The following LAX1 variants were observed in gnomAD, a reference collection of about 807,000 sequenced individuals.
The protein encoded by LAX1 is lymphocyte transmembrane adaptor 1.
Under a neutral mutation model 20.7 loss-of-function variants are expected in LAX1, and 17 were observed. The observed-to-expected ratio is 0.82, with a 90% CI of 0.56 to 1.23. The LOEUF is 1.23. Among genes scored for constraint, LAX1 ranks in the 50% most tolerant of loss-of-function variants. The pLI, the probability that LAX1 is intolerant of heterozygous loss-of-function variation, is 0.00. For missense variants in LAX1, 470 were observed against 487.0 expected, an observed-to-expected ratio of 0.97 and a Z score of 0.33; for synonymous variants, 165 against 181.0, an observed-to-expected ratio of 0.91 and a Z score of 0.71.
At chr1:203,769,990 C>G (rs977605889) in intron 1 of LAX1, among the ~76,000 whole-genome samples, 1 of 152,132 alleles carries the variant, frequency 6.6e-6, no homozygotes. Flanking sequence ...GGTCTTTGGA[C>G]GCAAACAGAC....
chr1:203,773,513 A>T lies in LAX1; in HGVS notation c.391-362A>T, dbSNP rs548256005. On this transcript the variant is annotated intron_variant, in intron 4 of 4. Transcript: ENST00000442561. ...ATATTATGATAATCTTCATTTTATAAATTAGGAAATGAAGACACCGAGAGA... is the reference window on the plus strand; with the variant it reads ...ATATTATGATAATCTTCATTTTATATATTAGGAAATGAAGACACCGAGAGA... Among the ~76,000 whole-genome samples, 13 of 152,152 alleles carry T rather than the reference A, an allele frequency of 8.5e-5. No homozygotes were observed. The East Asian group carries it at 2.5e-3, about 29-fold the overall frequency.
At position 203,771,447 on chromosome 1, in the gene LAX1, G is replaced by A; in HGVS notation, c.280G>A (p.Asp94Asn). 6.2e-7 allele frequency: 1 copy of A among 1,612,914 alleles called. No homozygotes were observed. Among genetic ancestry groups the A allele is most frequent in the South Asian group, 1.1e-5 (1 of 91,038 alleles). ...CAGACAAAGAGCCAAAAATATTTATGACATCTTGCCTTGGCGACAGGAAGA... is the reference window on the plus strand; with the variant it reads ...CAGACAAAGAGCCAAAAATATTTATAACATCTTGCCTTGGCGACAGGAAGA... ...QTRQRAKNIY[D>N]ILPWRQEDLG... Residue 94 changes from aspartate (D) to asparagine (N), a missense_variant, in exon 3 of 5, where the codon GAC becomes AAC. Physicochemically the swap from Asp to Asn is conservative, Grantham distance 23 (BLOSUM62 1). Transcript: ENST00000442561.
At chr1:203,771,056 C>A in intron 2 of LAX1, 119 bp downstream of exon 2, 1 of 813,928 alleles carries the variant, frequency 1.2e-6, no homozygotes, top group Non-Finnish European at 2.1e-6. Flanking sequence ...TCAGTTCTTA[C>A]CCGATACATT....
chr1:203,769,441 G>GAAAGAAAGAAAGAAAGAA (rs776263141), intron 1 of LAX1, among the ~76,000 whole-genome samples: 2 of 94,666 alleles, frequency 2.1e-5, no homozygotes, highest in African/African-American at 7.4e-5. Flanking sequence ...AAGAAAGAAA[G>GAAAGAAAGAAAGAAAGAA]AAGGAAAGAA....
intron 1 of LAX1, among the ~76,000 whole-genome samples, chr1:203,766,699 T>C (rs1667309215): frequency 6.6e-6 from 1 of 152,210 alleles, no homozygotes; most frequent in African/African-American, 2.4e-5. Flanking sequence ...TATGTATACA[T>C]TGTACAATAG....
rs1005319079 is a variant in LAX1, at chr1:203,773,309, C to T, written c.391-566C>T. Among the ~76,000 whole-genome samples, 11 of 151,930 alleles carry T rather than the reference C, an allele frequency of 7.2e-5. No individual in the cohort carries two copies. The South Asian group carries it at 1.5e-3, about 20-fold the overall frequency. On this transcript the variant is annotated intron_variant, in intron 4 of 4. Transcript: ENST00000442561. ...ACTACTAAAAATACAAAATATTAGT[C>T]GGGCAGTGGTAGGAGGCACCTGTAA...
Position 203,770,433 on chromosome 1 carries a change from A to AAGAGAGAGAG in LAX1, c.90-383_90-374dup, listed in dbSNP as rs72071580. ...TCCATCAAAAAGAAAGAAAGAAAGA[A>AAGAGAGAGAG]AGAGAGAGAGAGAGAGAGAGAAAGG... is the stretch of plus-strand genomic sequence containing the variant. On this transcript the variant is annotated intron_variant, in intron 1 of 4. Coordinates refer to ENST00000442561, the MANE Select transcript of LAX1 (RefSeq NM_017773.4). Among the ~76,000 whole-genome samples the AAGAGAGAGAG allele has an allele frequency of 1.8e-3, 82 of 44,912 alleles. 10 individuals are homozygous for AAGAGAGAGAG. In the East Asian group the frequency reaches 0.044, roughly 24 times the overall value. The allele number at this position is 44,912 out of a possible 152,430, so 29.5% of individuals were successfully genotyped here. A position where few individuals can be genotyped will look rare whatever the true frequency, so the allele number is the denominator to read the frequency against.
rs1376359267 is a variant in LAX1 at position 203,765,581 on chromosome 1, C to T, written c.16C>T (p.Pro6Ser). The change falls in exon 1 of 5, where the codon CCA becomes TCA. Residue 6 changes from proline to serine, a missense_variant. Transcript: ENST00000442561. ...TCCTGATACAATGGATGGTGTCACTCCAACCCTTTCGACAATCAGAGGGAG... is the reference window on the plus strand; with the variant it reads ...TCCTGATACAATGGATGGTGTCACTTCAACCCTTTCGACAATCAGAGGGAG... Reference protein sequence around the residue: MDGVTPTLSTIRGRTL... With the variant: MDGVTSTLSTIRGRTL... 6.2e-7 allele frequency: 1 copy of T among 1,614,020 alleles called. No homozygotes were observed.
intron 1 of LAX1, 30 bp downstream of exon 1, chr1:203,765,684 C>A (rs780451048): frequency 6.2e-7 from 1 of 1,609,336 alleles, no homozygotes; most frequent in Admixed American, 1.7e-5. Context: ...GAGCTCCACC[C>A]TGCCCTGATT....
chr1:203,772,233 C>T (rs1667434473), intron 4 of LAX1, 86 bp downstream of exon 4: 1 of 1,086,242 alleles, frequency 9.2e-7, no homozygotes, highest in African/African-American at 1.6e-5. Context: ...TCTGGTTTCA[C>T]TGCAAACAAA....
Position 203,770,156 on chromosome 1 carries a change from A to G in LAX1, c.90-672A>G, listed in dbSNP as rs146106639. 8.0e-3 allele frequency among the ~76,000 whole-genome samples: 1,213 copies of G among 151,862 alleles called. 14 individuals carry two copies. The highest frequency in any genetic ancestry group is 0.027 in the African/African-American group (1,125 of 41,448). On this transcript the variant is annotated intron_variant, in intron 1 of 4. Coordinates refer to ENST00000442561, the MANE Select transcript of LAX1 (RefSeq NM_017773.4). ...TCACAGGCCGGGCACGGTGGCTCAC[A>G]CCTGTAATTCCAGCACTTTGGGAGG...
intron 1 of LAX1, among the ~76,000 whole-genome samples, chr1:203,767,878 C>A (rs1021265925): frequency 6.6e-6 from 1 of 152,038 alleles, no homozygotes; most frequent in Non-Finnish European, 1.5e-5. Flanking sequence ...ATAATCCAAG[C>A]CTTTGGTAGA....
At chr1:203,769,391 CA>C (rs1211514744) in intron 1 of LAX1, among the ~76,000 whole-genome samples, 1 of 65,216 alleles carries the variant, frequency 1.5e-5, no homozygotes. Context: ...GACTCTGTCT[CA>C]AAAAAAAAGA....
intron 1 of LAX1, among the ~76,000 whole-genome samples, chr1:203,765,932 C>T (rs958294148): frequency 3.9e-5 from 6 of 152,086 alleles, no homozygotes; most frequent in Admixed American, 6.6e-5. Flanking sequence ...TCTCACCTCT[C>T]GGAGGCCCTG....
Position 203,775,080 on chromosome 1 carries a change from AG to A in LAX1, c.*400del, listed in dbSNP as rs769361909. On this transcript the variant is annotated 3_prime_UTR_variant, in exon 5 of 5. Coordinates refer to ENST00000442561, the MANE Select transcript of LAX1 (RefSeq NM_017773.4). ...AAAAGGAAGGAAGAAGTTGGAGTGG[AG>A]TGGGGTGGGCAATTTCCATTTTAAA... 1.3e-4 allele frequency: 24 copies of A among 187,648 alleles called. No individual in the cohort carries two copies. Among genetic ancestry groups the A allele is most frequent in the Non-Finnish European group, 2.3e-4 (21 of 90,178 alleles). The allele number at this position is 187,648 out of a possible 1,614,324, so 11.6% of individuals were successfully genotyped here. A position where few individuals can be genotyped will look rare whatever the true frequency, so the allele number is the denominator to read the frequency against.
At chr1:203,769,778 G>GT (rs1667372340) in intron 1 of LAX1, 3 of 144,658 alleles carry the variant, frequency 2.1e-5, no homozygotes, top group East Asian at 2.3e-4. Context: ...TGGTGCGGGG[G>GT]GGGGGGCGGC....
At position 203,774,610 on chromosome 1, in the gene LAX1, G is replaced by A; in HGVS notation, c.1126G>A (p.Val376Met). ...SNEDSSDYEN[V>M]LTAKLGGRDS... The stretch of plus-strand genomic sequence containing the variant: ...TGAGGACTCCAGTGACTATGAAAAT[G>A]TGCTAACTGCCAAGTTAGGAGGCAG... The change falls in exon 5 of 5, where the codon GTG becomes ATG. Residue 376 changes from valine to methionine, a missense_variant. Val to Met is a conservative substitution (Grantham distance 21). Coordinates refer to ENST00000442561, the MANE Select transcript of LAX1 (RefSeq NM_017773.4). 5 of 1,614,216 alleles carry A rather than the reference G, an allele frequency of 3.1e-6. No homozygotes were observed. Among genetic ancestry groups the A allele is most frequent in the Non-Finnish European group, 4.2e-6 (5 of 1,180,038 alleles).
chr1:203,774,234 G>A lies in LAX1; in HGVS notation c.750G>A (p.Glu250=). 6.2e-7 allele frequency: 1 copy of A among 1,614,140 alleles called. No individual in the cohort carries two copies. The highest frequency in any genetic ancestry group is 1.3e-5 in the African/African-American group (1 of 75,048). Residue 250 remains glutamate (E), a synonymous_variant, in exon 5 of 5, where the codon GAG becomes GAA. Transcript: ENST00000442561. Reference sequence around the variant, plus strand: ...CCAGTTTGTATTCTCCAGGAGCTGAGGACAGTGATTCACTCAGCAATGGAG... The same window carrying A: ...CCAGTTTGTATTCTCCAGGAGCTGAAGACAGTGATTCACTCAGCAATGGAG... ...DCTSLYSPGA[E]DSDSLSNGEG...
chr1:203,772,033 T>G lies in LAX1; in HGVS notation c.311-35T>G, dbSNP rs1388276806. ...ATTTGGACTGAAGCACTCAGAGGAC[T>G]GGCTATCTTCAGGATTTGTTCTCTG... On this transcript the variant is annotated intron_variant, in intron 3 of 4. Transcript: ENST00000442561. 2.0e-6 allele frequency: 3 copies of G among 1,529,006 alleles called. No homozygotes were observed. The African/African-American group carries it at 4.1e-5, about 21-fold the overall frequency. 94.7% of individuals were successfully genotyped at this position (1,529,006 alleles called of 1,614,324 possible). A position where few individuals can be genotyped will look rare whatever the true frequency, so the allele number is the denominator to read the frequency against.
Sources: allele counts gnomAD v4.1 joint callset (sites outside exome capture counted in the v4.1 genomes callset), GRCh38; gene constraint gnomAD v4.1.1; transcripts MANE v1.5; gene names NCBI Gene and HGNC (gene_info 2026-07-23, HGNC 2026-07-21).